PIK3R3: variants seen among roughly 807,000 people sequenced by gnomAD.
PIK3R3 encodes phosphatidylinositol 3-kinase regulatory subunit gamma.
PIK3R3 carries 64 observed loss-of-function variants against 62.9 expected under a neutral mutation model. The ratio of observed to expected loss-of-function variants is 1.02; its 90% CI spans 0.83 to 1.25. The LOEUF (loss-of-function observed/expected upper bound fraction) is 1.25. Ranked by LOEUF, PIK3R3 falls within the 50% of genes most tolerant of loss-of-function variation. The probability of loss-of-function intolerance (pLI) is 0.00; values close to 1 mark genes in which losing one functional copy is unlikely to be tolerated. For synonymous variants in PIK3R3, 165 were observed against 189.0 expected (o/e 0.87, Z 1.04); for missense variants, 614 against 561.6 (o/e 1.09, Z -0.94).
At chr1:46,102,448 T>C (rs534930214) in intron 1 of PIK3R3, among the ~76,000 whole-genome samples, 9 of 152,320 alleles carry the variant, frequency 5.9e-5, no homozygotes, top group African/African-American at 2.2e-4. Context: ...CAAATTATCT[T>C]TAGCTTTTTA....
intron 1 of PIK3R3, among the ~76,000 whole-genome samples, chr1:46,082,640 C>CA (rs35889574): frequency 0.073 from 11,175 of 152,118 alleles, 579 homozygotes; most frequent in Middle Eastern, 0.14. Flanking sequence ...TCAAATGATT[C>CA]AAAAAAATTA....
the PIK3R3 span, among the ~76,000 whole-genome samples, chr1:46,157,843 C>G: frequency 6.6e-6 from 1 of 152,222 alleles, no homozygotes; most frequent in Non-Finnish European, 1.5e-5. Flanking sequence ...TTCTATCTTC[C>G]CTTCTGAAAG....
At chr1:46,157,058 C>T in the PIK3R3 span, among the ~76,000 whole-genome samples, 1 of 152,200 alleles carries the variant, frequency 6.6e-6, no homozygotes, top group South Asian at 2.1e-4. Flanking sequence ...AAGGCCAAAG[C>T]CTCTCAATCC....
At chr1:46,090,897 T>G (rs1456112135) in intron 1 of PIK3R3, among the ~76,000 whole-genome samples, 3 of 152,194 alleles carry the variant, frequency 2.0e-5, no homozygotes, top group Non-Finnish European at 2.9e-5. Context: ...CAGCAAATAC[T>G]ACAAATCAGA....
chr1:46,107,508 T>C (rs1195432982), intron 1 of PIK3R3, among the ~76,000 whole-genome samples: 1 of 152,130 alleles, frequency 6.6e-6, no homozygotes, highest in East Asian at 1.9e-4. Flanking sequence ...TGAGCCAAGA[T>C]CACGCCACTG....
rs1646991699 is a variant in PIK3R3 at position 46,041,270 on chromosome 1, G to A, written c.*2403C>T. On this transcript the variant is annotated 3_prime_UTR_variant, in exon 10 of 10. Coordinates refer to ENST00000262741, the MANE Select transcript of PIK3R3 (RefSeq NM_003629.4). Reference sequence around the variant, plus strand: ...TCCCTATGCCATTTCCACAGGCTCAGGGTCAAGCAAGTCATGTGGCAACTG... The same window carrying A: ...TCCCTATGCCATTTCCACAGGCTCAAGGTCAAGCAAGTCATGTGGCAACTG... 1 of 155,858 alleles carries A rather than the reference G, an allele frequency of 6.4e-6. No individual in the cohort carries two copies. 9.7% of individuals were successfully genotyped at this position (155,858 alleles called of 1,614,324 possible). A position where few individuals can be genotyped will look rare whatever the true frequency, so the allele number is the denominator to read the frequency against.
chr1:46,110,689 A>G lies in PIK3R3; in HGVS notation c.106+21158T>C, dbSNP rs76582938. 1.2e-4 allele frequency among the ~76,000 whole-genome samples: 18 copies of G among 152,248 alleles called. No homozygotes were observed. In the East Asian group the frequency reaches 3.5e-3, roughly 29 times the overall value. On this transcript the variant is annotated intron_variant, in intron 1 of 9. Coordinates refer to ENST00000262741, the MANE Select transcript of PIK3R3 (RefSeq NM_003629.4). ...ATCTCCAGTGCCAAGTGTTTCACACATAGAAGCCATTCAATAAATATTTGT... is the reference window on the plus strand; with the variant it reads ...ATCTCCAGTGCCAAGTGTTTCACACGTAGAAGCCATTCAATAAATATTTGT...
In PIK3R3 at chr1:46,040,352, C is replaced by G. The variant is rs1646973006; in HGVS notation, c.*3321G>C. The G allele has an allele frequency of 4.3e-6, 1 of 231,490 alleles. No individual in the cohort carries two copies. Among genetic ancestry groups the G allele is most frequent in the Admixed American group, 5.6e-5 (1 of 17,724 alleles). 14.3% of individuals were successfully genotyped at this position (231,490 alleles called of 1,614,324 possible). Reference sequence around the variant, plus strand: ...AACTACATTATGAACTGTCCCATCACAAGACATACAGTTGGCTTTCTTGTG... The same window carrying G: ...AACTACATTATGAACTGTCCCATCAGAAGACATACAGTTGGCTTTCTTGTG... On this transcript the variant is annotated 3_prime_UTR_variant, in exon 10 of 10. Coordinates refer to ENST00000262741, the MANE Select transcript of PIK3R3 (RefSeq NM_003629.4).
chr1:46,061,804 C>A, intron 6 of PIK3R3, 125 bp downstream of exon 6: 1 of 847,572 alleles, frequency 1.2e-6, no homozygotes, highest in South Asian at 1.5e-5. Flanking sequence ...TTAGTGGAAA[C>A]AGCAAGTGGT....
intron 9 of PIK3R3, 53 bp from the exon 10 acceptor site, chr1:46,043,924 G>C: frequency 6.8e-7 from 1 of 1,460,678 alleles, no homozygotes; most frequent in Non-Finnish European, 9.4e-7. Context: ...ATAGATAAAA[G>C]GACACTAAAT....
chr1:46,130,536 G>C (rs1264288319), intron 1 of PIK3R3, among the ~76,000 whole-genome samples: 1 of 151,612 alleles, frequency 6.6e-6, no homozygotes, highest in Non-Finnish European at 1.5e-5. Context: ...CTAGTTTTTA[G>C]TACAGCACCA....
intron 5 of PIK3R3, 99 bp downstream of exon 5, chr1:46,065,955 G>C (rs1648946320): frequency 8.7e-6 from 9 of 1,034,608 alleles, no homozygotes; most frequent in African/African-American, 1.6e-5. Context: ...AAGCCTTTAA[G>C]ACATTAAAAC....
chr1:46,153,038 G>A, the PIK3R3 span, among the ~76,000 whole-genome samples: 1 of 152,124 alleles, frequency 6.6e-6, no homozygotes, highest in African/African-American at 2.4e-5. Context: ...GCTTCTGGAA[G>A]TCTATATCTA....
Position 46,063,950 on chromosome 1 carries a change from C to T in PIK3R3, c.622-1879G>A, listed in dbSNP as rs144496185. Among the ~76,000 whole-genome samples the T allele has an allele frequency of 3.0e-3, 452 of 152,344 alleles. 3 individuals carry two copies. The highest frequency in any genetic ancestry group is 0.021 in the East Asian group (109 of 5,188). ...TTTATGGCTGGGCACCGGTGGCTTA[C>T]GCCTGTAATCCCAACACTTTGGGAG... On this transcript the variant is annotated intron_variant, in intron 5 of 9. Transcript: ENST00000262741.
intron 7 of PIK3R3, among the ~76,000 whole-genome samples, chr1:46,051,237 G>T (rs1258939736): frequency 6.6e-6 from 1 of 151,794 alleles, no homozygotes; most frequent in Non-Finnish European, 1.5e-5. Context: ...AATAAAACCA[G>T]AACACAGCAC....
At chr1:46,092,398 C>T (rs1175620667) in intron 1 of PIK3R3, among the ~76,000 whole-genome samples, 2 of 152,336 alleles carry the variant, frequency 1.3e-5, no homozygotes, top group Non-Finnish European at 2.9e-5. Flanking sequence ...GAGTCTCGCT[C>T]TGTCGCCCAG....
At chr1:46,155,140 C>T in the PIK3R3 span, among the ~76,000 whole-genome samples, 8 of 151,914 alleles carry the variant, frequency 5.3e-5, no homozygotes, top group African/African-American at 1.9e-4. Flanking sequence ...GGTAACATGG[C>T]GAAACCCCAT....
chr1:46,093,872 C>T (rs866699008), intron 1 of PIK3R3, among the ~76,000 whole-genome samples: 4 of 141,398 alleles, frequency 2.8e-5, no homozygotes, highest in African/African-American at 1.1e-4. Flanking sequence ...AAAAAAAAAA[C>T]ATCCTAGGCA....
intron 3 of PIK3R3, among the ~76,000 whole-genome samples, chr1:46,071,736 G>T (rs202182155): frequency 0.23 from 13,858 of 59,814 alleles, 2,032 homozygotes; most frequent in Admixed American, 0.28. Flanking sequence ...TATATAGAGA[G>T]AGAGAGAGAG....
Sources: allele counts gnomAD v4.1 joint callset (sites outside exome capture counted in the v4.1 genomes callset), GRCh38; gene constraint gnomAD v4.1.1; transcripts MANE v1.5; gene names NCBI Gene and HGNC (gene_info 2026-07-23, HGNC 2026-07-21).